SEMA3A: variants seen among roughly 807,000 people sequenced by gnomAD.
SEMA3A encodes the protein semaphorin 3A.
SEMA3A carries 29 observed loss-of-function variants against 97.9 expected under a neutral mutation model. The observed-to-expected ratio is 0.30, with a 90% CI of 0.22 to 0.40. SEMA3A has a LOEUF of 0.40. Among genes scored for constraint, SEMA3A ranks in the 10% least tolerant of loss-of-function variants. The pLI, the probability that SEMA3A is intolerant of heterozygous loss-of-function variation, is 1.00. For missense variants in SEMA3A, 763 were observed against 951.3 expected, an observed-to-expected ratio of 0.80 and a Z score of 2.60; for synonymous variants, 321 against 323.7, an observed-to-expected ratio of 0.99 and a Z score of 0.09.
chr7:84,257,290 C>T (rs559904027), intron 3 of SEMA3A, among the ~76,000 whole-genome samples: 1 of 151,566 alleles, frequency 6.6e-6, no homozygotes, highest in East Asian at 1.9e-4. Flanking sequence ...TTTTAGTCTT[C>T]ACTGGAGTTC....
chr7:84,317,991 G>A (rs1801550698), intron 2 of SEMA3A, among the ~76,000 whole-genome samples: 1 of 151,964 alleles, frequency 6.6e-6, no homozygotes, highest in Non-Finnish European at 1.5e-5. Context: ...AACAAAAAGA[G>A]TTGTCCATAA....
At chr7:84,487,181 C>T (rs543391648) in intron 1 of SEMA3A, among the ~76,000 whole-genome samples, 1 of 151,960 alleles carries the variant, frequency 6.6e-6, no homozygotes, top group Non-Finnish European at 1.5e-5. Flanking sequence ...TTAAGCAGGG[C>T]TAGAAATGAA....
intron 1 of SEMA3A, among the ~76,000 whole-genome samples, chr7:84,391,460 A>G (rs2116176125): frequency 6.6e-6 from 1 of 152,218 alleles, no homozygotes; most frequent in South Asian, 2.1e-4. Flanking sequence ...ACCAGTTTAG[A>G]TGTGGATGGG....
chr7:84,160,270 T>G (rs1225947224), intron 1 of SEMA3A, among the ~76,000 whole-genome samples: 1 of 114,316 alleles, frequency 8.7e-6, no homozygotes, highest in Non-Finnish European at 1.9e-5. Context: ...TCTATCTATC[T>G]ATCTATCGTT....
chr7:84,227,181 T>C (rs1481007964), intron 3 of SEMA3A, among the ~76,000 whole-genome samples: 1 of 151,696 alleles, frequency 6.6e-6, no homozygotes, highest in Admixed American at 6.6e-5. Flanking sequence ...TATATATCTA[T>C]ATCTATATAG....
At chr7:84,088,391 T>C (rs1583944948) in intron 4 of SEMA3A, among the ~76,000 whole-genome samples, 1 of 151,804 alleles carries the variant, frequency 6.6e-6, no homozygotes, top group Non-Finnish European at 1.5e-5. Context: ...GAGGCAGAGG[T>C]TGCAGTGAGC....
At chr7:84,304,328 T>C (rs1466646528) in intron 3 of SEMA3A, among the ~76,000 whole-genome samples, 1 of 152,116 alleles carries the variant, frequency 6.6e-6, no homozygotes, top group Non-Finnish European at 1.5e-5. Context: ...CCTTCACAAT[T>C]ACTCAATAAT....
chr7:84,055,804 T>G (rs1416743396), intron 5 of SEMA3A, among the ~76,000 whole-genome samples: 1 of 152,188 alleles, frequency 6.6e-6, no homozygotes, highest in Non-Finnish European at 1.5e-5. Flanking sequence ...TTTTTGAAAA[T>G]CTGAAGTAGT....
intron 1 of SEMA3A, among the ~76,000 whole-genome samples, chr7:84,381,686 G>A (rs1803265005): frequency 6.6e-6 from 1 of 152,094 alleles, no homozygotes; most frequent in Non-Finnish European, 1.5e-5. Flanking sequence ...GGTATGTAAA[G>A]CCAATCCTGT....
Position 84,035,116 on chromosome 7 carries a change from C to CTA in SEMA3A, c.667+11206_667+11207dup, listed in dbSNP as rs749042999. ...AATTAGAATAAAATTATTAGACCATCTATAAGACATGTTATACATACATTT... is the reference window on the plus strand; with the variant it reads ...AATTAGAATAAAATTATTAGACCATCTATATAAGACATGTTATACATACATTT... On this transcript the variant is annotated intron_variant, in intron 6 of 16. Coordinates refer to ENST00000265362, the MANE Select transcript of SEMA3A (RefSeq NM_006080.3). 8.8e-4 allele frequency among the ~76,000 whole-genome samples: 134 copies of CTA among 152,036 alleles called. 1 individual carries two copies. The highest frequency in any genetic ancestry group is 1.6e-3 in the Non-Finnish European group (106 of 67,924).
chr7:84,165,971 A>G (rs1797193257), intron 1 of SEMA3A, among the ~76,000 whole-genome samples: 1 of 152,152 alleles, frequency 6.6e-6, no homozygotes, highest in African/African-American at 2.4e-5. Flanking sequence ...TGAAGTGGTA[A>G]GATAAGAAAG....
At chr7:84,082,128 C>A (rs567028868) in intron 4 of SEMA3A, among the ~76,000 whole-genome samples, 1 of 152,106 alleles carries the variant, frequency 6.6e-6, no homozygotes, top group Non-Finnish European at 1.5e-5. Flanking sequence ...CCTTTGAGTA[C>A]CTTCTCTGTC....
chr7:84,422,680 C>T (rs1804633972), intron 1 of SEMA3A, among the ~76,000 whole-genome samples: 1 of 152,074 alleles, frequency 6.6e-6, no homozygotes, highest in African/African-American at 2.4e-5. Context: ...CTACACACTG[C>T]TTTAGCTGTG....
chr7:84,409,965 C>T (rs1308304193), intron 1 of SEMA3A, among the ~76,000 whole-genome samples: 1 of 151,940 alleles, frequency 6.6e-6, no homozygotes, highest in Non-Finnish European at 1.5e-5. Context: ...TTAATCTTTT[C>T]TTAATAGCTT....
At chr7:84,076,388 G>C (rs1450971166) in intron 4 of SEMA3A, among the ~76,000 whole-genome samples, 1 of 152,042 alleles carries the variant, frequency 6.6e-6, no homozygotes, top group East Asian at 1.9e-4. Context: ...TCACACAGCT[G>C]GTTTGTAGAA....
At chr7:84,245,297 CTT>C (rs1340139099) in intron 3 of SEMA3A, among the ~76,000 whole-genome samples, 3 of 151,946 alleles carry the variant, frequency 2.0e-5, no homozygotes, top group Non-Finnish European at 4.4e-5. Context: ...CCTTTTCATT[CTT>C]TTTTCTCTAA....
chr7:84,411,359 A>G (rs1804259867), intron 1 of SEMA3A, among the ~76,000 whole-genome samples: 2 of 152,072 alleles, frequency 1.3e-5, no homozygotes, highest in African/African-American at 2.4e-5. Context: ...AAGACATTTT[A>G]TTGTCAGCAG....
chr7:84,335,634 C>G (rs569486211), intron 2 of SEMA3A, among the ~76,000 whole-genome samples: 1 of 152,154 alleles, frequency 6.6e-6, no homozygotes, highest in African/African-American at 2.4e-5. Context: ...GAACAGGCAT[C>G]TAAGCAAATA....
chr7:84,416,703 C>A (rs1039363946), intron 1 of SEMA3A, among the ~76,000 whole-genome samples: 2 of 152,064 alleles, frequency 1.3e-5, no homozygotes, highest in Non-Finnish European at 2.9e-5. Context: ...AAGGTAGGAG[C>A]TATCTTAATT....
Sources: allele counts gnomAD v4.1 joint callset (sites outside exome capture counted in the v4.1 genomes callset), GRCh38; gene constraint gnomAD v4.1.1; transcripts MANE v1.5; gene names NCBI Gene and HGNC (gene_info 2026-07-23, HGNC 2026-07-21).